CFAP47: variants seen among roughly 807,000 people sequenced by gnomAD.
CFAP47 encodes the protein cilia- and flagella-associated protein 47.
Under a neutral mutation model 148.1 loss-of-function variants are expected in CFAP47, and 29 were observed. The observed-to-expected ratio is 0.20, with a 90% CI of 0.15 to 0.27. CFAP47 has a LOEUF of 0.27. CFAP47 is among the 10% of genes least tolerant of loss of function. The pLI is 1.00. For synonymous variants in CFAP47, 664 were observed against 577.3 expected (o/e 1.15, Z -2.15); for missense variants, 1,872 against 1,697.5 (o/e 1.10, Z -1.81).
intron 49 of CFAP47, among the ~76,000 whole-genome samples, chrX:36,264,962 T>C (rs1940873062): frequency 8.9e-6 from 1 of 112,142 alleles, no homozygotes; most frequent in East Asian, 2.8e-4. Flanking sequence ...TTGTTGAGAG[T>C]TTCACAGAAA....
intron 39 of CFAP47, among the ~76,000 whole-genome samples, chrX:36,171,116 T>C (rs1167928865): frequency 9.0e-6 from 1 of 110,562 alleles, no homozygotes; most frequent in East Asian, 2.8e-4. Flanking sequence ...TGTCCGTTCA[T>C]GTCCTTTGCC....
At chrX:36,156,620 A>T (rs1357346878) in intron 37 of CFAP47, among the ~76,000 whole-genome samples, 1 of 104,853 alleles carries the variant, frequency 9.5e-6, no homozygotes, top group Non-Finnish European at 1.9e-5. Flanking sequence ...TATAATATCA[A>T]GGAGGTTTTT....
intron 42 of CFAP47, among the ~76,000 whole-genome samples, chrX:36,194,289 A>C (rs782015967): frequency 9.0e-6 from 1 of 111,375 alleles, no homozygotes; most frequent in Non-Finnish European, 1.9e-5. Context: ...GTATTAGTCC[A>C]TTCTTGCACT....
chrX:36,376,741 A>G (rs1391146580), intron 62 of CFAP47, among the ~76,000 whole-genome samples: 2 of 109,126 alleles, frequency 1.8e-5, no homozygotes, highest in Non-Finnish European at 3.8e-5. Flanking sequence ...ATCATTTAAC[A>G]TTAGGTATAT....
chrX:36,279,881 T>G (rs1941059479), intron 49 of CFAP47, among the ~76,000 whole-genome samples: 2 of 110,096 alleles, frequency 1.8e-5, no homozygotes, highest in South Asian at 7.7e-4. Context: ...ATTTTTGTAT[T>G]TTTAGTAGAA....
chrX:36,306,683 AC>A (rs1556008901), intron 54 of CFAP47, 88 bp from the exon 55 acceptor site: 2 of 460,679 alleles, frequency 4.3e-6, no homozygotes, highest in Admixed American at 6.5e-5. Context: ...ACAAACATCG[AC>A]CCTGCATATA....
intron 33 of CFAP47, among the ~76,000 whole-genome samples, chrX:36,132,009 G>A (rs1034825919): frequency 9.2e-6 from 1 of 109,065 alleles, no homozygotes; most frequent in Non-Finnish European, 1.9e-5. Context: ...TGTGTTATGT[G>A]AATTATATCT....
At chrX:36,381,350 A>G (rs1335215855) in intron 63 of CFAP47, among the ~76,000 whole-genome samples, 3 of 112,154 alleles carry the variant, frequency 2.7e-5, no homozygotes, top group East Asian at 5.6e-4. Flanking sequence ...CCATTAAATC[A>G]TTAAAGCATT....
intron 45 of CFAP47, among the ~76,000 whole-genome samples, chrX:36,225,494 G>C (rs1301960099): frequency 9.0e-6 from 1 of 111,088 alleles, no homozygotes; most frequent in Non-Finnish European, 1.9e-5. Context: ...TAAACATGTG[G>C]ATATGTCAGC....
intron 32 of CFAP47, among the ~76,000 whole-genome samples, chrX:36,102,039 A>G (rs780656448): frequency 8.9e-6 from 1 of 111,808 alleles, no homozygotes; most frequent in African/African-American, 3.2e-5. Context: ...AATGTCCCAT[A>G]GTGACATAGT....
chrX:36,313,850 A>G (rs1346475268), intron 56 of CFAP47, among the ~76,000 whole-genome samples: 4 of 111,371 alleles, frequency 3.6e-5, no homozygotes, highest in African/African-American at 1.3e-4. Context: ...CAACTTGTGC[A>G]TAGCTTGATT....
At chrX:36,353,486 T>G (rs1941759701) in intron 59 of CFAP47, 43 bp from the exon 60 acceptor site, 1 of 1,093,237 alleles carries the variant, frequency 9.1e-7, no homozygotes, top group East Asian at 3.3e-5. Context: ...AATGATCATA[T>G]CACCTACAAG....
Position 36,384,869 on chromosome X carries a change from G to A in CFAP47, c.9427G>A (p.Ala3143Thr). The change falls in exon 64 of 64, where the codon GCC becomes ACC. Residue 3143 changes from alanine to threonine, a missense_variant. Ala to Thr is a moderately conservative substitution (Grantham distance 58, BLOSUM62 0). Transcript: ENST00000378653. ...TACCGTGCCACCAAAAAATGCAAAA[G>A]CCAAAATTGATGCTACTCACAAGAC... is the stretch of plus-strand genomic sequence containing the variant. ...PTTVPPKNAK[A>T]KIDATHKTHD... The A allele has an allele frequency of 1.7e-6, 2 of 1,166,632 alleles. No homozygotes were observed. The highest frequency in any genetic ancestry group is 3.8e-5 in the South Asian group (2 of 52,720).
At chrX:35,953,378 G>T (rs990007218) in intron 6 of CFAP47, among the ~76,000 whole-genome samples, 2 of 111,628 alleles carry the variant, frequency 1.8e-5, no homozygotes, top group Non-Finnish European at 3.8e-5. Flanking sequence ...ATGTTGGCAC[G>T]AACTCATTTT....
intron 8 of CFAP47, among the ~76,000 whole-genome samples, chrX:35,961,052 G>A (rs1936323433): frequency 9.0e-6 from 1 of 111,194 alleles, no homozygotes; most frequent in African/African-American, 3.3e-5. Flanking sequence ...TTTGTTGCAT[G>A]TTTCTATTAT....
chrX:36,092,481 T>C (rs1938202482), intron 30 of CFAP47, among the ~76,000 whole-genome samples: 1 of 111,456 alleles, frequency 9.0e-6, no homozygotes, highest in South Asian at 3.7e-4. Context: ...TCTTTGTGTT[T>C]TGTTACCATG....
rs982890851 is a variant in CFAP47 at position 36,163,890 on chromosome X, A to G, written c.6026+3121A>G. On this transcript the variant is annotated intron_variant, in intron 39 of 63. Transcript: ENST00000378653. ...CTCCCAAAGTGCTGGAATTACAGGCATGAGCCACCATGCCCAGTAATCTTA... is the reference window on the plus strand; with the variant it reads ...CTCCCAAAGTGCTGGAATTACAGGCGTGAGCCACCATGCCCAGTAATCTTA... 2.7e-5 allele frequency among the ~76,000 whole-genome samples: 3 copies of G among 112,041 alleles called. No individual in the cohort carries two copies. The East Asian group carries it at 8.4e-4, about 31-fold the overall frequency.
intron 29 of CFAP47, among the ~76,000 whole-genome samples, chrX:36,082,997 G>A (rs985817739): frequency 9.0e-5 from 10 of 111,083 alleles, no homozygotes; most frequent in African/African-American, 3.3e-4. Flanking sequence ...TTATTAATAA[G>A]TTTAATTAGG....
chrX:36,130,688 C>G (rs1340693176), intron 33 of CFAP47, among the ~76,000 whole-genome samples: 2 of 110,630 alleles, frequency 1.8e-5, no homozygotes, highest in Admixed American at 1.9e-4. Flanking sequence ...TGTCCATCAG[C>G]AGTTGAATAG....
Sources: gnomAD v4.1 joint callset for allele counts (sites outside exome capture counted in the v4.1 genomes callset) on GRCh38, gnomAD v4.1.1 for gene constraint, MANE v1.5 for transcripts, NCBI Gene and HGNC (gene_info 2026-07-23, HGNC 2026-07-21) for gene names.